Variants in PIP5K1B observed in about 807,000 individuals in gnomAD.
PIP5K1B encodes phosphatidylinositol-4-phosphate 5-kinase type 1 beta.
In PIP5K1B, 42 loss-of-function variants were observed where a neutral mutation model predicts 67.0. The observed-to-expected ratio is 0.63, with a 90% CI of 0.49 to 0.81. PIP5K1B has a LOEUF of 0.81. Ranked by LOEUF, PIP5K1B falls within the 30% of genes least tolerant of loss-of-function variation. PIP5K1B has a pLI of 0.00. For synonymous variants in PIP5K1B, 214 were observed against 231.4 expected (o/e 0.92, Z 0.68); for missense variants, 459 against 646.3 (o/e 0.71, Z 3.14).
In PIP5K1B at chr9:68,948,146, T is replaced by C. The variant is rs149318094; in HGVS notation, c.1502+7356T>C. Among the ~76,000 whole-genome samples the C allele has an allele frequency of 4.6e-5, 7 of 152,354 alleles. No homozygotes were observed. The East Asian group carries it at 1.3e-3, about 29-fold the overall frequency. On this transcript the variant is annotated intron_variant, in intron 14 of 15. Transcript: ENST00000265382. ...TAGTAAAGAAAGGATTTAGTCACCT[T>C]TTCCCAAGTGTCAAGAAATGAAGTC...
chr9:68,778,711 A>G (rs939504465), intron 2 of PIP5K1B, among the ~76,000 whole-genome samples: 1 of 152,208 alleles, frequency 6.6e-6, no homozygotes, highest in South Asian at 2.1e-4. Context: ...CATAAACCAG[A>G]TAATATCAGT....
intron 14 of PIP5K1B, among the ~76,000 whole-genome samples, chr9:68,974,200 T>A (rs1170753616): frequency 6.6e-6 from 1 of 152,180 alleles, no homozygotes; most frequent in Non-Finnish European, 1.5e-5. Flanking sequence ...GATGGATCAT[T>A]CTGGTCCTCA....
chr9:68,930,009 C>A (rs1826912869), intron 12 of PIP5K1B, among the ~76,000 whole-genome samples: 1 of 152,226 alleles, frequency 6.6e-6, no homozygotes, highest in Non-Finnish European at 1.5e-5. Flanking sequence ...TGTGAGACCA[C>A]TGATAGCAGT....
In PIP5K1B at chr9:68,873,870, A is replaced by G. The variant is rs147413557; in HGVS notation, c.201-2807A>G. Among the ~76,000 whole-genome samples the G allele has an allele frequency of 4.0e-3, 612 of 152,296 alleles. 1 individual carries two copies. The highest frequency in any genetic ancestry group is 0.031 in the Middle Eastern group (9 of 294). On this transcript the variant is annotated intron_variant, in intron 5 of 15. Transcript: ENST00000265382. ...TATAAAATCCATCATCTTAACTACCACACAGTGTATCCAGTAGGACTTAAG... is the reference window on the plus strand; with the variant it reads ...TATAAAATCCATCATCTTAACTACCGCACAGTGTATCCAGTAGGACTTAAG...
intron 14 of PIP5K1B, among the ~76,000 whole-genome samples, chr9:68,945,231 C>T (rs768047685): frequency 2.6e-5 from 4 of 152,026 alleles, no homozygotes; most frequent in South Asian, 2.1e-4. Context: ...CTGTAAGCTC[C>T]GCCTCCAGGG....
intron 8 of PIP5K1B, among the ~76,000 whole-genome samples, chr9:68,895,361 A>G (rs1269384619): frequency 6.6e-6 from 1 of 152,166 alleles, no homozygotes; most frequent in African/African-American, 2.4e-5. Context: ...TGCAGTGCTA[A>G]TAACTTCTGA....
chr9:68,944,026 A>C (rs1827685725), intron 14 of PIP5K1B, among the ~76,000 whole-genome samples: 1 of 152,156 alleles, frequency 6.6e-6, no homozygotes, highest in South Asian at 2.1e-4. Context: ...AATGTACTCC[A>C]AAAATTGGCT....
chr9:68,902,321 G>A lies in PIP5K1B; in HGVS notation c.771+7683G>A, dbSNP rs62566912. Among the ~76,000 whole-genome samples the A allele has an allele frequency of 7.2e-5, 11 of 152,224 alleles. No homozygotes were observed. In the East Asian group the frequency reaches 9.6e-4, roughly 13 times the overall value. ...AATTACCAATCTGTTTTCCATCTCT[G>A]TAATTTTATCTTTTCGAGAATGCTG... On this transcript the variant is annotated intron_variant, in intron 8 of 15. Transcript: ENST00000265382.
chr9:68,888,496 C>T (rs901992182), intron 6 of PIP5K1B, among the ~76,000 whole-genome samples: 32 of 152,282 alleles, frequency 2.1e-4, no homozygotes, highest in Middle Eastern at 3.4e-3. Flanking sequence ...TGAGCCCTAG[C>T]GAAAGATCTG....
chr9:68,880,482 G>A (rs1166467811), intron 6 of PIP5K1B, among the ~76,000 whole-genome samples: 1 of 151,904 alleles, frequency 6.6e-6, no homozygotes, highest in Non-Finnish European at 1.5e-5. Flanking sequence ...TTGTACCCCG[G>A]AGGCAAAGGT....
chr9:68,719,183 C>T (rs1161374646), intron 1 of PIP5K1B, among the ~76,000 whole-genome samples: 1 of 151,930 alleles, frequency 6.6e-6, no homozygotes, highest in African/African-American at 2.4e-5. Flanking sequence ...TTTTTTCTTT[C>T]TTTTTGTAAC....
chr9:68,716,982 C>G (rs188600465), intron 1 of PIP5K1B, among the ~76,000 whole-genome samples: 1 of 152,300 alleles, frequency 6.6e-6, no homozygotes, highest in South Asian at 2.1e-4. Context: ...CAAATTAACA[C>G]AGAAGCAACC....
chr9:68,961,107 G>A (rs982980832), intron 14 of PIP5K1B, among the ~76,000 whole-genome samples: 4 of 152,042 alleles, frequency 2.6e-5, no homozygotes, highest in Non-Finnish European at 4.4e-5. Context: ...CTACTCGGGA[G>A]GCTGAGGCAG....
chr9:68,758,789 A>G (rs1287068342), intron 2 of PIP5K1B, among the ~76,000 whole-genome samples: 1 of 152,026 alleles, frequency 6.6e-6, no homozygotes, highest in Non-Finnish European at 1.5e-5. Flanking sequence ...ACATGAACCC[A>G]AGTAAATCTC....
At chr9:68,897,638 C>A (rs954364165) in intron 8 of PIP5K1B, among the ~76,000 whole-genome samples, 1 of 152,070 alleles carries the variant, frequency 6.6e-6, no homozygotes, top group Non-Finnish European at 1.5e-5. Flanking sequence ...AATATGAGAG[C>A]CACATATTGT....
At chr9:68,786,586 C>T (rs1223232008) in intron 2 of PIP5K1B, among the ~76,000 whole-genome samples, 1 of 151,852 alleles carries the variant, frequency 6.6e-6, no homozygotes, top group African/African-American at 2.4e-5. Context: ...GATAGGTAAT[C>T]ATTCCTTAAA....
At chr9:68,765,265 C>A (rs949839046) in intron 2 of PIP5K1B, among the ~76,000 whole-genome samples, 4 of 151,912 alleles carry the variant, frequency 2.6e-5, no homozygotes, top group Non-Finnish European at 4.4e-5. Flanking sequence ...ACAAAACTTG[C>A]CACTAGTAAC....
At position 68,911,116 on chromosome 9, in the gene PIP5K1B, G is replaced by T. The variant is rs547700297; in HGVS notation, c.772-6432G>T. On this transcript the variant is annotated intron_variant, in intron 8 of 15. Transcript: ENST00000265382. ...GGGCCAGGCATGGTGGCTCACGCCT[G>T]TAATCCCAGCACTTTGGGAGGCTGA... Among the ~76,000 whole-genome samples the T allele has an allele frequency of 2.0e-3, 310 of 152,346 alleles. 2 individuals carry two copies. Among genetic ancestry groups the T allele is most frequent in the African/African-American group, 7.2e-3 (300 of 41,588 alleles).
intron 14 of PIP5K1B, among the ~76,000 whole-genome samples, chr9:68,980,078 C>T (rs1305850824): frequency 1.3e-5 from 2 of 152,176 alleles, no homozygotes; most frequent in Admixed American, 1.3e-4. Context: ...CATGAAGGAG[C>T]CGCTCTGTCC....
Sources: allele counts gnomAD v4.1 joint callset (sites outside exome capture counted in the v4.1 genomes callset), GRCh38; gene constraint gnomAD v4.1.1; transcripts MANE v1.5; gene names NCBI Gene and HGNC (gene_info 2026-07-23, HGNC 2026-07-21).